Variants in GRIN2A observed in about 807,000 individuals in gnomAD.
The protein encoded by GRIN2A is glutamate ionotropic receptor NMDA type subunit 2A.
A neutral mutation model predicts 113.4 loss-of-function variants in GRIN2A; 22 were observed. The observed-to-expected ratio is 0.19, with a 90% CI of 0.14 to 0.28. The LOEUF (loss-of-function observed/expected upper bound fraction) is 0.28, where lower values mean the gene tolerates loss of function less well. Among genes scored for constraint, GRIN2A ranks in the 10% least tolerant of loss-of-function variants. The pLI is 1.00. For missense variants in GRIN2A, 1,502 were observed against 1,887.0 expected (o/e 0.80, Z 3.78); for synonymous variants, 827 against 738.4 (o/e 1.12, Z -1.94).
At chr16:9,999,329 GGATT>G (rs1362651452) in intron 2 of GRIN2A, among the ~76,000 whole-genome samples, 1 of 152,102 alleles carries the variant, frequency 6.6e-6, no homozygotes, top group African/African-American at 2.4e-5. Flanking sequence ...CTAAAATGAA[GGATT>G]GATAAGAATC....
At chr16:10,128,837 G>A (rs2049001062) in intron 2 of GRIN2A, among the ~76,000 whole-genome samples, 1 of 152,188 alleles carries the variant, frequency 6.6e-6, no homozygotes, top group African/African-American at 2.4e-5. Context: ...AGTTTCTTAG[G>A]AGCATAATAC....
chr16:10,061,870 G>C (rs908781111), intron 2 of GRIN2A, among the ~76,000 whole-genome samples: 4 of 152,150 alleles, frequency 2.6e-5, no homozygotes, highest in Non-Finnish European at 5.9e-5. Flanking sequence ...AGAACATAAA[G>C]GCCAATCGAA....
chr16:9,912,992 G>T (rs143075815), intron 3 of GRIN2A, among the ~76,000 whole-genome samples: 27 of 152,280 alleles, frequency 1.8e-4, no homozygotes, highest in Non-Finnish European at 2.4e-4. Context: ...CCTTGGCCTC[G>T]CCATACATTG....
chr16:9,817,522 A>T (rs891557736), intron 10 of GRIN2A, among the ~76,000 whole-genome samples: 5 of 152,226 alleles, frequency 3.3e-5, no homozygotes, highest in Non-Finnish European at 4.4e-5. Flanking sequence ...GGTTTGTCTG[A>T]GTCTTCCTAA....
chr16:9,846,891 G>C (rs940787177), intron 5 of GRIN2A, among the ~76,000 whole-genome samples: 12 of 152,180 alleles, frequency 7.9e-5, no homozygotes, highest in Admixed American at 2.6e-4. Flanking sequence ...GCTTATGTTT[G>C]CATTAGGAAA....
intron 2 of GRIN2A, among the ~76,000 whole-genome samples, chr16:10,069,491 C>T (rs962845511): frequency 1.3e-5 from 2 of 152,222 alleles, no homozygotes; most frequent in Admixed American, 6.5e-5. Flanking sequence ...GATGCAGTCC[C>T]TTGCAATGCG....
chr16:9,952,521 G>A (rs1050557190), intron 2 of GRIN2A, among the ~76,000 whole-genome samples: 3 of 152,180 alleles, frequency 2.0e-5, no homozygotes, highest in Non-Finnish European at 2.9e-5. Flanking sequence ...GGGCCCGAGG[G>A]TAGGTCCATG....
intron 2 of GRIN2A, among the ~76,000 whole-genome samples, chr16:10,069,437 A>G (rs8059547): frequency 0.13 from 20,321 of 152,216 alleles, 1,793 homozygotes; most frequent in African/African-American, 0.24. Context: ...GACAACACAC[A>G]CACCAGGCTC....
At chr16:10,162,231 A>G (rs2049821295) in intron 2 of GRIN2A, among the ~76,000 whole-genome samples, 1 of 152,178 alleles carries the variant, frequency 6.6e-6, no homozygotes, top group African/African-American at 2.4e-5. Context: ...CCAGAAAGGG[A>G]GCCCACATGA....
Position 9,949,914 on chromosome 16 carries a change from G to C in GRIN2A, c.415-11363C>G, listed in dbSNP as rs751404687. On this transcript the variant is annotated intron_variant, in intron 2 of 12. Coordinates refer to ENST00000330684, the MANE Select transcript of GRIN2A (RefSeq NM_001134407.3). ...TAGAGAGGGCAGGGTATAAGTGAGA[G>C]CTGGATGAACAGGGGGTGTGAAATG... Among the ~76,000 whole-genome samples, 5 of 152,152 alleles carry C rather than the reference G, an allele frequency of 3.3e-5. No homozygotes were observed. The East Asian group carries it at 9.6e-4, about 29-fold the overall frequency.
intron 12 of GRIN2A, among the ~76,000 whole-genome samples, chr16:9,767,941 T>G (rs977277319): frequency 6.6e-6 from 1 of 152,256 alleles, no homozygotes; most frequent in Non-Finnish European, 1.5e-5. Context: ...ATACACAAAT[T>G]GTAACATCTT....
chr16:10,083,535 C>T (rs1026422164), intron 2 of GRIN2A, among the ~76,000 whole-genome samples: 12 of 152,274 alleles, frequency 7.9e-5, no homozygotes, highest in African/African-American at 2.9e-4. Flanking sequence ...TGCTTTCACC[C>T]TGACCTCTCT....
chr16:9,948,084 GCA>G (rs1424879571), intron 2 of GRIN2A, among the ~76,000 whole-genome samples: 3 of 152,180 alleles, frequency 2.0e-5, no homozygotes, highest in Non-Finnish European at 4.4e-5. Flanking sequence ...CGCGTGCCAA[GCA>G]CTGAGGTGAA....
chr16:9,841,044 A>T lies in GRIN2A; in HGVS notation c.1389T>A (p.Ile463=). The T allele has an allele frequency of 6.2e-7, 1 of 1,613,750 alleles. No individual in the cohort carries two copies. The highest frequency in any genetic ancestry group is 8.5e-7 in the Non-Finnish European group (1 of 1,179,656). ...TCACAGTTCTGGAAAGCTTCTTCAGAATATCAATGCAGAACCCCTTGCAGC... is the reference window on the plus strand; with the variant it reads ...TCACAGTTCTGGAAAGCTTCTTCAGTATATCAATGCAGAACCCCTTGCAGC... The part of the protein sequence containing the change: ...KKCCKGFCID[I]LKKLSRTVKF... Residue 463 remains isoleucine, a synonymous_variant, in exon 6 of 13, where the codon ATT becomes ATA. Coordinates refer to ENST00000330684, the MANE Select transcript of GRIN2A (RefSeq NM_001134407.3).
intron 2 of GRIN2A, among the ~76,000 whole-genome samples, chr16:10,068,781 C>G (rs999391631): frequency 6.6e-6 from 1 of 152,140 alleles, no homozygotes; most frequent in Non-Finnish European, 1.5e-5. Context: ...AGACTAACAC[C>G]CAATCTAGGG....
Position 10,126,163 on chromosome 16 carries a change from A to T in GRIN2A, c.414+53835T>A, listed in dbSNP as rs1463133. ...TGTGAGTTGATGGATTTCTTTATAT[A>T]TATATATATTTTTTTTTGAGATAGG... On this transcript the variant is annotated intron_variant, in intron 2 of 12. Coordinates refer to ENST00000330684, the MANE Select transcript of GRIN2A (RefSeq NM_001134407.3). 1.4e-4 allele frequency among the ~76,000 whole-genome samples: 10 copies of T among 72,170 alleles called. 1 individual carries two copies. Among genetic ancestry groups the T allele is most frequent in the Admixed American group, 1.7e-4 (1 of 5,852 alleles). The allele number at this position is 72,170 out of a possible 152,430, so 47.3% of individuals were successfully genotyped here.
intron 2 of GRIN2A, among the ~76,000 whole-genome samples, chr16:10,153,210 G>A (rs2049620683): frequency 6.6e-6 from 1 of 152,044 alleles, no homozygotes; most frequent in South Asian, 2.1e-4. Context: ...TAGGGCAGGG[G>A]GTATTTGGGA....
rs141471530 is a variant in GRIN2A at position 9,822,287 on chromosome 16, G to A, written c.2145C>T (p.Asp715=). 39 of 1,613,446 alleles carry A rather than the reference G, an allele frequency of 2.4e-5. No individual in the cohort carries two copies. Among genetic ancestry groups the A allele is most frequent in the Admixed American group, 8.3e-5 (5 of 59,980 alleles). Residue 715 remains aspartate, a synonymous_variant, in exon 10 of 13, where the codon GAC becomes GAT. Transcript: ENST00000330684. Reference sequence around the variant, plus strand: ...ACCCCGTTTTCAGGCTGACCAAGGCGTCCTCTACTCCTTTCTGATTAAATT... The same window carrying A: ...ACCCCGTTTTCAGGCTGACCAAGGCATCCTCTACTCCTTTCTGATTAAATT... The part of the protein sequence containing the change: ...MTKFNQKGVE[D]ALVSLKTGKL...
chr16:10,139,939 T>C (rs2049290091), intron 2 of GRIN2A, among the ~76,000 whole-genome samples: 1 of 152,188 alleles, frequency 6.6e-6, no homozygotes, highest in African/African-American at 2.4e-5. Flanking sequence ...GTGATCCTCA[T>C]GCCTCAGTCT....
Sources: allele counts gnomAD v4.1 joint callset (sites outside exome capture counted in the v4.1 genomes callset), GRCh38; gene constraint gnomAD v4.1.1; transcripts MANE v1.5; gene names NCBI Gene and HGNC (gene_info 2026-07-23, HGNC 2026-07-21).